Variants in FAM13C observed in about 807,000 individuals in gnomAD.
The protein encoded by FAM13C is protein FAM13C.
Under a neutral mutation model 73.2 loss-of-function variants are expected in FAM13C, and 37 were observed. That is an observed-to-expected ratio of 0.51 (90% CI 0.39 to 0.67). FAM13C has a LOEUF of 0.67. Ranked by LOEUF, FAM13C falls within the 30% of genes least tolerant of loss-of-function variation. The pLI, the probability that FAM13C is intolerant of heterozygous loss-of-function variation, is 0.00. For synonymous variants in FAM13C, 246 were observed against 260.9 expected, an observed-to-expected ratio of 0.94 and a Z score of 0.55; for missense variants, 589 against 715.6, an observed-to-expected ratio of 0.82 and a Z score of 2.02.
chr10:59,344,578 G>A (rs991021731), intron 3 of FAM13C, among the ~76,000 whole-genome samples: 2 of 152,160 alleles, frequency 1.3e-5, no homozygotes, highest in East Asian at 1.9e-4. Context: ...CATCACGCCC[G>A]GCCTGTAAAC....
At chr10:59,338,623 C>A (rs751887122) in intron 3 of FAM13C, among the ~76,000 whole-genome samples, 1 of 152,212 alleles carries the variant, frequency 6.6e-6, no homozygotes, top group South Asian at 2.1e-4. Flanking sequence ...TCTCCATCTT[C>A]GATACAACTA....
rs184505226 is a variant in FAM13C at position 59,349,624 on chromosome 10, G to A, written c.324+2646C>T. Among the ~76,000 whole-genome samples, 11 of 152,200 alleles carry A rather than the reference G, an allele frequency of 7.2e-5. No homozygotes were observed. The East Asian group carries it at 7.7e-4, about 11-fold the overall frequency. On this transcript the variant is annotated intron_variant, in intron 3 of 13. Coordinates refer to ENST00000618804, the MANE Select transcript of FAM13C (RefSeq NM_198215.4). Reference sequence around the variant, plus strand: ...ATACAAAAAAAAAAATTAGCAGGGCGTGGTGGCACATGCCCGTAGTCTCCA... The same window carrying A: ...ATACAAAAAAAAAAATTAGCAGGGCATGGTGGCACATGCCCGTAGTCTCCA...
chr10:59,343,081 C>G (rs1853724735), intron 3 of FAM13C, among the ~76,000 whole-genome samples: 1 of 152,216 alleles, frequency 6.6e-6, no homozygotes, highest in Non-Finnish European at 1.5e-5. Flanking sequence ...ACAGGTTCAG[C>G]TGGCATAACC....
At chr10:59,336,904 T>A (rs1004737171) in intron 3 of FAM13C, among the ~76,000 whole-genome samples, 2 of 152,182 alleles carry the variant, frequency 1.3e-5, no homozygotes, top group Non-Finnish European at 2.9e-5. Flanking sequence ...CTATCTTCCA[T>A]CACCCCATCC....
At chr10:59,316,643 G>A (rs184507280) in intron 4 of FAM13C, among the ~76,000 whole-genome samples, 2 of 152,266 alleles carry the variant, frequency 1.3e-5, no homozygotes, top group East Asian at 3.9e-4. Flanking sequence ...AACCTCTACA[G>A]CATGTTACTG....
At chr10:59,326,803 C>T (rs562562123) in intron 3 of FAM13C, among the ~76,000 whole-genome samples, 1 of 152,272 alleles carries the variant, frequency 6.6e-6, no homozygotes, top group South Asian at 2.1e-4. Flanking sequence ...CTGAAGCAGA[C>T]ACAGACCTCT....
At chr10:59,351,331 C>CAAAAAAAA (rs10666673) in intron 3 of FAM13C, among the ~76,000 whole-genome samples, 1 of 134,296 alleles carries the variant, frequency 7.4e-6, no homozygotes, top group African/African-American at 2.8e-5. Flanking sequence ...GACCCTGTCT[C>CAAAAAAAA]AAAAAAAAAA....
At chr10:59,303,414 G>A (rs938102483) in intron 4 of FAM13C, among the ~76,000 whole-genome samples, 41 of 152,182 alleles carry the variant, frequency 2.7e-4, no homozygotes, top group African/African-American at 9.7e-4. Flanking sequence ...AGGAGGTATT[G>A]ATTATGTTTA....
intron 5 of FAM13C, chr10:59,300,585 C>T (rs1256975517): frequency 2.0e-5 from 3 of 152,154 alleles, no homozygotes; most frequent in Admixed American, 6.5e-5. Context: ...GAAAACAGCT[C>T]ATAGTAATAA....
At chr10:59,362,287 G>T in intron 1 of FAM13C, 112 bp downstream of exon 1, 1 of 1,425,766 alleles carries the variant, frequency 7.0e-7, no homozygotes, top group Non-Finnish European at 9.6e-7. Flanking sequence ...CAGATTCCGG[G>T]AGACAATGCA....
chr10:59,343,673 G>T (rs771801603), intron 3 of FAM13C, among the ~76,000 whole-genome samples: 1 of 152,274 alleles, frequency 6.6e-6, no homozygotes, highest in African/African-American at 2.4e-5. Flanking sequence ...AAAAAATCTT[G>T]CTCTCTAACT....
At chr10:59,280,101 A>G (rs764684942) in intron 6 of FAM13C, among the ~76,000 whole-genome samples, 2 of 152,178 alleles carry the variant, frequency 1.3e-5, no homozygotes, top group South Asian at 2.1e-4. Flanking sequence ...GGGGAAACAC[A>G]AAGACTCAGT....
intron 3 of FAM13C, among the ~76,000 whole-genome samples, chr10:59,342,360 TA>T (rs5785379): frequency 0.98 from 146,459 of 148,898 alleles, 72,030 homozygotes; most frequent in Middle Eastern, 1. Flanking sequence ...AAGTTTGAAC[TA>T]AAAAAAAAAA....
rs1012821796 is a variant in FAM13C, at chr10:59,283,368, G to A, written c.587C>T (p.Ser196Phe). 1.9e-6 allele frequency: 3 copies of A among 1,614,034 alleles called. No homozygotes were observed. In the African/African-American group the frequency reaches 4.0e-5, roughly 22 times the overall value. The change falls in exon 6 of 14, where the codon TCT becomes TTT. Residue 196 changes from serine (S) to phenylalanine (F), a missense_variant. Coordinates refer to ENST00000618804, the MANE Select transcript of FAM13C (RefSeq NM_198215.4). ...TQSVLADGTDSADPSPVHKDG... is the reference protein window; with the variant it reads ...TQSVLADGTDFADPSPVHKDG... ...CCCCCAGCCCTGTATCTTACCTGCA[G>A]AATCTGTCCCATCGGCAAGCACGCT...
intron 13 of FAM13C, among the ~76,000 whole-genome samples, chr10:59,249,014 T>C (rs1357568156): frequency 2.0e-5 from 3 of 152,186 alleles, no homozygotes; most frequent in Non-Finnish European, 2.9e-5. Context: ...TTTGTATAAA[T>C]AGATCTAAGT....
intron 6 of FAM13C, chr10:59,282,209 G>A (rs1249084714): frequency 6.6e-6 from 1 of 152,128 alleles, no homozygotes; most frequent in Non-Finnish European, 1.5e-5. Context: ...TACTTCACAG[G>A]TCAGTTTAAG....
intron 4 of FAM13C, among the ~76,000 whole-genome samples, chr10:59,306,237 C>T (rs1210573679): frequency 1.3e-5 from 2 of 152,080 alleles, no homozygotes; most frequent in East Asian, 3.9e-4. Context: ...CAGAAATATA[C>T]TTTGTTAAAA....
intron 11 of FAM13C, among the ~76,000 whole-genome samples, chr10:59,253,398 C>A (rs1006199326): frequency 6.6e-6 from 1 of 152,154 alleles, no homozygotes; most frequent in African/African-American, 2.4e-5. Flanking sequence ...CAACTTTTAT[C>A]CTCCAGAAAT....
chr10:59,361,020 C>G, intron 1 of FAM13C: 1 of 1,289,130 alleles, frequency 7.8e-7, no homozygotes, highest in Non-Finnish European at 1.0e-6. Context: ...GGGAGGAGAG[C>G]AGTACCTGTG....
Sources: gnomAD v4.1 joint callset for allele counts (sites outside exome capture counted in the v4.1 genomes callset) on GRCh38, gnomAD v4.1.1 for gene constraint, MANE v1.5 for transcripts, NCBI Gene and HGNC (gene_info 2026-07-23, HGNC 2026-07-21) for gene names.